The following PRELID2 variants were observed in gnomAD, a reference collection of about 807,000 sequenced individuals.
PRELID2 encodes the protein PRELI domain-containing protein 2.
PRELID2 carries 25 observed loss-of-function variants against 28.4 expected under a neutral mutation model. That is an observed-to-expected ratio of 0.88 (90% CI 0.64 to 1.23). The LOEUF (loss-of-function observed/expected upper bound fraction) is 1.23, where lower values mean the gene tolerates loss of function less well. Ranked by LOEUF, PRELID2 falls within the 50% of genes most tolerant of loss-of-function variation. PRELID2 has a pLI of 0.00. For missense variants in PRELID2, 201 were observed against 214.4 expected (o/e 0.94, Z 0.39); for synonymous variants, 76 against 71.6 (o/e 1.06, Z -0.31).
the PRELID2 span, among the ~76,000 whole-genome samples, chr5:145,349,585 C>T: frequency 2.0e-5 from 3 of 152,008 alleles, no homozygotes; most frequent in African/African-American, 7.2e-5. Context: ...AGGACAAAAA[C>T]ATATTATCTT....
chr5:145,558,303 G>T (rs904496227), intron 1 of PRELID2, among the ~76,000 whole-genome samples: 2 of 152,256 alleles, frequency 1.3e-5, no homozygotes, highest in Non-Finnish European at 2.9e-5. Context: ...ATTTGTAGAG[G>T]TTGTTGAAGG....
At chr5:145,653,230 G>C (rs1202171293) in intron 1 of PRELID2, among the ~76,000 whole-genome samples, 1 of 152,110 alleles carries the variant, frequency 6.6e-6, no homozygotes, top group Non-Finnish European at 1.5e-5. Flanking sequence ...CCCAATACAG[G>C]AGCACCCAGA....
At chr5:145,336,198 A>G in the PRELID2 span, among the ~76,000 whole-genome samples, 10 of 152,246 alleles carry the variant, frequency 6.6e-5, no homozygotes, top group South Asian at 6.2e-4. Flanking sequence ...AGTAGGTTGC[A>G]AAAATTTTCT....
intron 4 of PRELID2, among the ~76,000 whole-genome samples, chr5:145,797,919 A>G (rs1040195218): frequency 1.3e-5 from 2 of 152,006 alleles, no homozygotes; most frequent in Non-Finnish European, 2.9e-5. Context: ...AAGAACTTGA[A>G]ATAACCATCT....
the PRELID2 span, among the ~76,000 whole-genome samples, chr5:145,249,448 A>G: frequency 6.6e-6 from 1 of 152,162 alleles, no homozygotes; most frequent in Non-Finnish European, 1.5e-5. Flanking sequence ...AGAGGATTGG[A>G]CAATGGACTG....
At chr5:145,372,139 G>A in the PRELID2 span, among the ~76,000 whole-genome samples, 7 of 151,976 alleles carry the variant, frequency 4.6e-5, no homozygotes, top group African/African-American at 1.7e-4. Flanking sequence ...ATTCTGGAAT[G>A]TTGTCTCTTT....
chr5:145,488,140 A>T (rs1194508548), intron 1 of PRELID2, among the ~76,000 whole-genome samples: 18 of 151,610 alleles, frequency 1.2e-4, no homozygotes, highest in African/African-American at 3.9e-4. Flanking sequence ...AAAAAAAAAA[A>T]AGGAATTGGA....
chr5:145,821,830 T>C (rs35222060), intron 2 of PRELID2, among the ~76,000 whole-genome samples: 3 of 152,230 alleles, frequency 2.0e-5, no homozygotes, highest in Admixed American at 1.3e-4. Context: ...TTCTCTCATT[T>C]GATCTTCCTA....
chr5:145,277,369 C>T, the PRELID2 span, among the ~76,000 whole-genome samples: 1 of 152,172 alleles, frequency 6.6e-6, no homozygotes, highest in South Asian at 2.1e-4. Flanking sequence ...ATATGCACCT[C>T]ATATTTGATG....
the PRELID2 span, among the ~76,000 whole-genome samples, chr5:145,392,583 C>A: frequency 6.6e-6 from 1 of 151,978 alleles, no homozygotes; most frequent in Non-Finnish European, 1.5e-5. Context: ...GCAGAGGACA[C>A]AATGCACTCT....
intron 1 of PRELID2, among the ~76,000 whole-genome samples, chr5:145,711,197 A>C (rs1202612201): frequency 6.6e-6 from 1 of 152,158 alleles, no homozygotes; most frequent in Non-Finnish European, 1.5e-5. Context: ...GAATCAAGAA[A>C]ATTTCATTTT....
intron 5 of PRELID2, among the ~76,000 whole-genome samples, chr5:145,768,614 T>C (rs1581165283): frequency 6.6e-6 from 1 of 152,142 alleles, no homozygotes; most frequent in Non-Finnish European, 1.5e-5. Flanking sequence ...GAGTAGAGCA[T>C]AAATCCAGAC....
intron 5 of PRELID2, among the ~76,000 whole-genome samples, chr5:145,794,485 C>A (rs184290596): frequency 6.6e-6 from 1 of 152,280 alleles, no homozygotes; most frequent in East Asian, 1.9e-4. Flanking sequence ...AGTAAAGTGG[C>A]AAGAGGGAAC....
the PRELID2 span, among the ~76,000 whole-genome samples, chr5:145,385,035 T>C: frequency 6.6e-6 from 1 of 152,160 alleles, no homozygotes; most frequent in African/African-American, 2.4e-5. Context: ...AGGTACAGTG[T>C]AAGAGTGAAT....
the PRELID2 span, among the ~76,000 whole-genome samples, chr5:145,418,161 C>A: frequency 6.6e-6 from 1 of 151,794 alleles, no homozygotes; most frequent in Admixed American, 6.6e-5. Flanking sequence ...AAAAAAAATA[C>A]CTAGGAATAC....
At chr5:145,397,540 T>G in the PRELID2 span, among the ~76,000 whole-genome samples, 1 of 152,186 alleles carries the variant, frequency 6.6e-6, no homozygotes, top group African/African-American at 2.4e-5. Context: ...TCTTCCAGAT[T>G]GTAGAATAAA....
At chr5:145,752,560 T>G (rs1248560474), downstream of PRELID2, among the ~76,000 whole-genome samples, 1 of 152,150 alleles carries the variant, frequency 6.6e-6, no homozygotes, top group African/African-American at 2.4e-5. Context: ...ACTATAGACC[T>G]CCATGCTACA....
intron 1 of PRELID2, among the ~76,000 whole-genome samples, chr5:145,682,701 G>A (rs575583967): frequency 1.3e-5 from 2 of 152,244 alleles, no homozygotes; most frequent in Admixed American, 1.3e-4. Flanking sequence ...TCACCATGTG[G>A]GAAGGTTAGG....
chr5:145,619,788 C>A (rs1753749889), intron 1 of PRELID2, among the ~76,000 whole-genome samples: 1 of 152,040 alleles, frequency 6.6e-6, no homozygotes, highest in South Asian at 2.1e-4. Flanking sequence ...CCTGTACAGG[C>A]AACTTGAAAA....
Sources: gnomAD v4.1 joint callset for allele counts (sites outside exome capture counted in the v4.1 genomes callset) on GRCh38, gnomAD v4.1.1 for gene constraint, MANE v1.5 for transcripts, NCBI Gene and HGNC (gene_info 2026-07-23, HGNC 2026-07-21) for gene names.